Variants in NFATC2 observed in about 807,000 individuals in gnomAD.
The protein encoded by NFATC2 is nuclear factor of activated T cells 2, also known as nuclear factor of activated T-cells, cytoplasmic 2.
NFATC2 carries 22 observed loss-of-function variants against 87.3 expected under a neutral mutation model. That is an observed-to-expected ratio of 0.25 (90% confidence interval 0.18 to 0.36). The LOEUF is 0.36. Among genes scored for constraint, NFATC2 ranks in the 10% least tolerant of loss-of-function variants. The pLI is 1.00. For missense variants in NFATC2, 1,149 were observed against 1,259.1 expected, an observed-to-expected ratio of 0.91 and a Z score of 1.32; for synonymous variants, 565 against 542.2, an observed-to-expected ratio of 1.04 and a Z score of -0.58.
At chr20:51,540,511 T>C (rs926801133) in intron 1 of NFATC2, among the ~76,000 whole-genome samples, 8 of 152,150 alleles carry the variant, frequency 5.3e-5, no homozygotes, top group Admixed American at 4.6e-4. Context: ...TCAATATTGG[T>C]TTGTTGGTTA....
intron 9 of NFATC2, among the ~76,000 whole-genome samples, chr20:51,419,102 C>G (rs895449558): frequency 6.6e-6 from 1 of 152,158 alleles, no homozygotes; most frequent in East Asian, 1.9e-4. Context: ...CACTGGCACA[C>G]AGTAGGGATT....
At chr20:51,399,800 TTCTTCC>T (rs1231076546) in intron 9 of NFATC2, among the ~76,000 whole-genome samples, 3 of 152,222 alleles carry the variant, frequency 2.0e-5, no homozygotes, top group African/African-American at 7.2e-5. Context: ...TGAAACTGAC[TTCTTCC>T]AAGTCCAAGA....
intron 6 of NFATC2, among the ~76,000 whole-genome samples, chr20:51,443,798 C>T (rs1465412101): frequency 1.3e-5 from 2 of 152,080 alleles, no homozygotes; most frequent in Non-Finnish European, 2.9e-5. Context: ...CCAAAATTAA[C>T]AAGGACTGGC....
chr20:51,515,139 G>A (rs11086343), intron 3 of NFATC2, among the ~76,000 whole-genome samples: 32,209 of 152,174 alleles, frequency 0.21, 3,548 homozygotes, highest in Admixed American at 0.29. Context: ...TGGAATCGGT[G>A]GCATCAGAGA....
intron 3 of NFATC2, among the ~76,000 whole-genome samples, chr20:51,510,925 C>T (rs1443011512): frequency 6.6e-6 from 1 of 152,204 alleles, no homozygotes; most frequent in Non-Finnish European, 1.5e-5. Context: ...CTTGAAGTAG[C>T]ACCATTCTTA....
chr20:51,562,728 G>A, upstream of NFATC2: 3 of 1,236,740 alleles, frequency 2.4e-6, no homozygotes, highest in Middle Eastern at 1.9e-4. This position sits in a 1 kb window ranked among gnomAD's most constrained non-coding sequence, Gnocchi z 5.8. Context: ...CGTGCCCGCG[G>A]GGCTGCCCTG....
At position 51,466,873 on chromosome 20, in the gene NFATC2, A is replaced by C. The variant is rs988708118; in HGVS notation, c.1708+7107T>G. Among the ~76,000 whole-genome samples, 3 of 152,138 alleles carry C rather than the reference A, an allele frequency of 2.0e-5. No homozygotes were observed. In the East Asian group the frequency reaches 5.8e-4, roughly 29 times the overall value. On this transcript the variant is annotated intron_variant, in intron 5 of 10. Transcript: ENST00000371564. ...GATCGCCTGAGGTCAGGAGTTCAAG[A>C]CCAGCCTGGTCAACATGGTGAAACC...
intron 9 of NFATC2, among the ~76,000 whole-genome samples, chr20:51,413,536 C>T (rs1979596434): frequency 6.6e-6 from 1 of 152,078 alleles, no homozygotes; most frequent in South Asian, 2.1e-4. Flanking sequence ...GCTGGGAGGA[C>T]TGCTTCAGGC....
intron 3 of NFATC2, among the ~76,000 whole-genome samples, chr20:51,497,528 T>A (rs1289736584): frequency 6.6e-6 from 1 of 152,150 alleles, no homozygotes; most frequent in East Asian, 1.9e-4. Context: ...CAGACCACCC[T>A]TGTTCAATCC....
intron 1 of NFATC2, among the ~76,000 whole-genome samples, chr20:51,528,459 C>T (rs1335839421): frequency 6.6e-6 from 1 of 152,098 alleles, no homozygotes; most frequent in Non-Finnish European, 1.5e-5. Flanking sequence ...TACACCTGCA[C>T]ATATATACAC....
In NFATC2 at chr20:51,474,168, G is replaced by A; in HGVS notation, c.1536-16C>T. On this transcript the variant is annotated splice_polypyrimidine_tract_variant and intron_variant, in intron 4 of 10. Transcript: ENST00000371564. The stretch of plus-strand genomic sequence containing the variant: ...ACAGTCGATGCTGCCAGGATGTTAA[G>A]AACCCCATTGTCACCAACTACCTTC... 2 of 1,612,284 alleles carry A rather than the reference G, an allele frequency of 1.2e-6. No individual in the cohort carries two copies. Among genetic ancestry groups the A allele is most frequent in the Non-Finnish European group, 1.7e-6 (2 of 1,178,638 alleles).
chr20:51,421,073 T>TAA (rs5841842), intron 9 of NFATC2, among the ~76,000 whole-genome samples: 11 of 130,400 alleles, frequency 8.4e-5, no homozygotes, highest in South Asian at 2.5e-4. Flanking sequence ...CCCTATGTCT[T>TAA]AAAAAAAAAA....
chr20:51,549,784 C>T (rs1316382178), intron 1 of NFATC2, among the ~76,000 whole-genome samples: 1 of 152,168 alleles, frequency 6.6e-6, no homozygotes, highest in African/African-American at 2.4e-5. Context: ...AGCCGGGGCT[C>T]GCTTCATGGG....
At chr20:51,465,122 T>C (rs228848) in intron 5 of NFATC2, among the ~76,000 whole-genome samples, 58,519 of 152,108 alleles carry the variant, frequency 0.38, 13,872 homozygotes, top group Non-Finnish European at 0.5. Flanking sequence ...GCGTGGTGGC[T>C]CAGGCCTGTA....
chr20:51,492,909 C>T (rs976368851), intron 3 of NFATC2, among the ~76,000 whole-genome samples: 2 of 152,250 alleles, frequency 1.3e-5, no homozygotes, highest in Non-Finnish European at 2.9e-5. Flanking sequence ...CGGTCAGCGA[C>T]GTATCCACGG....
At position 51,435,175 on chromosome 20, in the gene NFATC2, A is replaced by C. The variant is rs769882225; in HGVS notation, c.2032+13T>G. The C allele has an allele frequency of 1.2e-6, 2 of 1,613,798 alleles. No individual in the cohort carries two copies. The highest frequency in any genetic ancestry group is 2.2e-5 in the South Asian group (2 of 91,040). The stretch of plus-strand genomic sequence containing the variant: ...CTCTCAATAACAAAGGGGTCATCAG[A>C]AACACTCCTTACCTGGGTGGTAGGT... On this transcript the variant is annotated intron_variant, in intron 8 of 10. Coordinates refer to ENST00000371564, the MANE Select transcript of NFATC2 (RefSeq NM_012340.5).
chr20:51,528,430 C>T (rs2076581242), intron 1 of NFATC2, among the ~76,000 whole-genome samples: 1 of 152,068 alleles, frequency 6.6e-6, no homozygotes, highest in Admixed American at 6.6e-5. Context: ...GACAGATGTA[C>T]ACACAGATGT....
At position 51,481,830 on chromosome 20, in the gene NFATC2, T is replaced by C. The variant is rs560694740; in HGVS notation, c.1333-6170A>G. ...ACAGTTAGCTATATAAATGACGCCA[T>C]CCAACCTCATCACAAGGAAAACTTT... On this transcript the variant is annotated intron_variant, in intron 3 of 10. Transcript: ENST00000371564. 5.3e-5 allele frequency among the ~76,000 whole-genome samples: 8 copies of C among 152,302 alleles called. No individual in the cohort carries two copies. The East Asian group carries it at 1.5e-3, about 29-fold the overall frequency.
chr20:51,425,170 G>A (rs748325186), intron 9 of NFATC2, among the ~76,000 whole-genome samples: 1 of 152,194 alleles, frequency 6.6e-6, no homozygotes, highest in Admixed American at 6.5e-5. Context: ...CAGACCAGAA[G>A]GGGGAAGACA....
Sources: allele counts gnomAD v4.1 joint callset (sites outside exome capture counted in the v4.1 genomes callset), GRCh38; gene constraint gnomAD v4.1.1; non-coding constraint Gnocchi (gnomAD v3.1); transcripts MANE v1.5; gene names NCBI Gene and HGNC (gene_info 2026-07-23, HGNC 2026-07-21).